DPP6: variants seen among roughly 807,000 people sequenced by gnomAD.
DPP6 encodes the protein dipeptidyl peptidase like 6, also known as A-type potassium channel modulatory protein DPP6.
Under a neutral mutation model 122.6 loss-of-function variants are expected in DPP6, and 69 were observed. That is an observed-to-expected ratio of 0.56 (90% CI 0.46 to 0.69). The LOEUF (loss-of-function observed/expected upper bound fraction) is 0.69, where lower values mean the gene tolerates loss of function less well. Among genes scored for constraint, DPP6 ranks in the 30% least tolerant of loss-of-function variants. The pLI is 0.00. For synonymous variants in DPP6, 418 were observed against 433.1 expected (o/e 0.97, Z 0.43); for missense variants, 928 against 1,116.9 (o/e 0.83, Z 2.41).
At chr7:154,713,033 G>A (rs1443769387) in intron 7 of DPP6, among the ~76,000 whole-genome samples, 1 of 152,224 alleles carries the variant, frequency 6.6e-6, no homozygotes, top group Non-Finnish European at 1.5e-5. Flanking sequence ...TACAGGCATT[G>A]GGTAAATATA....
chr7:154,239,992 TAAAAAAAAAAAAAAAAAAAAAAAAAAA>T (rs763543397), intron 1 of DPP6, among the ~76,000 whole-genome samples: 5,305 of 50,408 alleles, frequency 0.11, 634 homozygotes, highest in African/African-American at 0.3. Context: ...ATGCTGTCTT[TAAAAAAAAAAAAAAAAAAAAAAAAAAA>T]AAAAAAAAAA....
intron 1 of DPP6, among the ~76,000 whole-genome samples, chr7:154,167,151 T>C (rs1304376036): frequency 6.6e-6 from 1 of 152,048 alleles, no homozygotes; most frequent in African/African-American, 2.4e-5. Flanking sequence ...TGCCACATTT[T>C]ATCTTGGTCT....
intron 6 of DPP6, among the ~76,000 whole-genome samples, chr7:154,657,861 G>C (rs966631129): frequency 6.6e-6 from 1 of 152,208 alleles, no homozygotes; most frequent in Non-Finnish European, 1.5e-5. Flanking sequence ...GGCTGAGGCA[G>C]CATAAAAGTC....
intron 7 of DPP6, among the ~76,000 whole-genome samples, chr7:154,722,055 C>T (rs73167038): frequency 2.0e-5 from 3 of 151,568 alleles, no homozygotes; most frequent in African/African-American, 7.3e-5. Flanking sequence ...GATGCCTGGC[C>T]GTGGTGGTGT....
At chr7:153,986,253 A>G (rs1239089076) in intron 1 of DPP6, among the ~76,000 whole-genome samples, 1 of 152,108 alleles carries the variant, frequency 6.6e-6, no homozygotes, top group Non-Finnish European at 1.5e-5. Context: ...TTTTTAACAC[A>G]TTTCATGCCA....
At chr7:154,778,495 G>T (rs1796721660) in intron 10 of DPP6, among the ~76,000 whole-genome samples, 1 of 151,840 alleles carries the variant, frequency 6.6e-6, no homozygotes, top group South Asian at 2.1e-4. Flanking sequence ...AAAGCTGAGG[G>T]TCATCAGGGC....
chr7:154,869,327 C>T (rs1440746680), intron 18 of DPP6, among the ~76,000 whole-genome samples: 1 of 152,212 alleles, frequency 6.6e-6, no homozygotes, highest in Middle Eastern at 3.2e-3. Context: ...GGTACCAAGG[C>T]TCACCCCACG....
At chr7:154,421,265 TG>T (rs1216153745) in intron 1 of DPP6, among the ~76,000 whole-genome samples, 1 of 152,114 alleles carries the variant, frequency 6.6e-6, no homozygotes, top group African/African-American at 2.4e-5. Context: ...ATACTGTCTT[TG>T]GCCCTTGTAA....
At chr7:154,627,925 C>G (rs1312299014) in intron 5 of DPP6, among the ~76,000 whole-genome samples, 1 of 152,192 alleles carries the variant, frequency 6.6e-6, no homozygotes, top group African/African-American at 2.4e-5. Flanking sequence ...ACTTTTATCA[C>G]AGCCAAATGT....
chr7:154,581,198 G>T (rs374688608), intron 5 of DPP6, among the ~76,000 whole-genome samples: 3 of 152,132 alleles, frequency 2.0e-5, no homozygotes, highest in African/African-American at 7.2e-5. Context: ...ACAAAGAGCC[G>T]CGGATACAAG....
intron 2 of DPP6, among the ~76,000 whole-genome samples, chr7:154,456,154 CA>C (rs1303656598): frequency 6.6e-6 from 1 of 152,152 alleles, no homozygotes; most frequent in Non-Finnish European, 1.5e-5. Flanking sequence ...ATGAACTAAG[CA>C]GGTCGGGGAA....
the DPP6 span, among the ~76,000 whole-genome samples, chr7:153,837,660 C>A: frequency 6.6e-6 from 1 of 151,836 alleles, no homozygotes; most frequent in Non-Finnish European, 1.5e-5. Flanking sequence ...AATAACAATG[C>A]CCTTTTCCAG....
At chr7:153,761,796 A>C in the DPP6 span, among the ~76,000 whole-genome samples, 7 of 152,346 alleles carry the variant, frequency 4.6e-5, no homozygotes, top group Admixed American at 3.9e-4. Flanking sequence ...TATACTTCAT[A>C]AGCATTGGAC....
intron 1 of DPP6, among the ~76,000 whole-genome samples, chr7:154,358,119 C>A (rs1043054534): frequency 6.6e-6 from 1 of 152,098 alleles, no homozygotes; most frequent in Non-Finnish European, 1.5e-5. Flanking sequence ...CAGTCTAGAG[C>A]AGATCATCTG....
chr7:153,996,066 G>C (rs1797420106), intron 1 of DPP6, among the ~76,000 whole-genome samples: 1 of 152,042 alleles, frequency 6.6e-6, no homozygotes, highest in Non-Finnish European at 1.5e-5. Flanking sequence ...TCACCCAGTA[G>C]GCCCTCAGGT....
At chr7:153,805,678 A>T in the DPP6 span, among the ~76,000 whole-genome samples, 1 of 152,192 alleles carries the variant, frequency 6.6e-6, no homozygotes, top group Non-Finnish European at 1.5e-5. Flanking sequence ...CAGCCATAAA[A>T]ATCATAAGTT....
chr7:154,041,221 C>T (rs1010653096), intron 1 of DPP6, among the ~76,000 whole-genome samples: 2 of 152,162 alleles, frequency 1.3e-5, no homozygotes, highest in Non-Finnish European at 2.9e-5. Flanking sequence ...CATTGACACA[C>T]ATTTGCCTCC....
chr7:154,645,195 A>G (rs1836379876), intron 6 of DPP6, among the ~76,000 whole-genome samples: 1 of 150,688 alleles, frequency 6.6e-6, no homozygotes, highest in Non-Finnish European at 1.5e-5. Flanking sequence ...CCGGAGTAGT[A>G]GCTGGGACTA....
intron 1 of DPP6, among the ~76,000 whole-genome samples, chr7:154,115,254 T>C (rs1226844926): frequency 4.6e-5 from 7 of 152,182 alleles, no homozygotes; most frequent in Admixed American, 2.0e-4. Context: ...CATCAGCTCA[T>C]GGTAAACAGA....
Sources: allele counts gnomAD v4.1 joint callset (sites outside exome capture counted in the v4.1 genomes callset), GRCh38; gene constraint gnomAD v4.1.1; transcripts MANE v1.5; gene names NCBI Gene and HGNC (gene_info 2026-07-23, HGNC 2026-07-21).